The following L3MBTL3 variants were observed in gnomAD, a reference collection of about 807,000 sequenced individuals.
The protein encoded by L3MBTL3 is lethal(3)malignant brain tumor-like protein 3.
L3MBTL3 carries 27 observed loss-of-function variants against 102.3 expected under a neutral mutation model. The ratio of observed to expected loss-of-function variants is 0.26; its 90% confidence interval spans 0.19 to 0.36. The LOEUF (loss-of-function observed/expected upper bound fraction) is 0.36, where lower values mean the gene tolerates loss of function less well. L3MBTL3 is among the 10% of genes least tolerant of loss of function. The pLI, the probability that L3MBTL3 is intolerant of heterozygous loss-of-function variation, is 1.00. For synonymous variants in L3MBTL3, 340 were observed against 320.9 expected (o/e 1.06, Z -0.64); for missense variants, 798 against 955.3 (o/e 0.84, Z 2.17).
rs1023989626 is a variant in L3MBTL3, at chr6:130,129,757, T to G, written c.1967-3695T>G. Among the ~76,000 whole-genome samples, 205 of 152,282 alleles carry G rather than the reference T, an allele frequency of 1.3e-3. 2 individuals are homozygous for G. The highest frequency in any genetic ancestry group is 7.7e-4 in the East Asian group (4 of 5,188). On this transcript the variant is annotated intron_variant, in intron 20 of 22. Transcript: ENST00000361794. The stretch of plus-strand genomic sequence containing the variant: ...GCAAAGGGAGGTGGCTGAAATGTCT[T>G]TAGAACACGAGGCTCTGTTTCCCGA...
chr6:130,018,687 T>G (rs1287013105), intron 1 of L3MBTL3, 23 bp downstream of exon 1: 2 of 152,748 alleles, frequency 1.3e-5, no homozygotes, highest in Non-Finnish European at 2.9e-5. Flanking sequence ...TGATCGGATC[T>G]AATCTCTAAT....
intron 16 of L3MBTL3, among the ~76,000 whole-genome samples, chr6:130,089,259 C>A (rs1038586855): frequency 1.3e-5 from 2 of 150,504 alleles, no homozygotes; most frequent in African/African-American, 4.9e-5. Context: ...ATGTTCCCCG[C>A]CCTGTGTCCA....
At chr6:130,078,054 G>A (rs564199260) in intron 13 of L3MBTL3, among the ~76,000 whole-genome samples, 17 of 152,204 alleles carry the variant, frequency 1.1e-4, no homozygotes, top group African/African-American at 4.1e-4. Flanking sequence ...GAAGAAAGAG[G>A]TAAAGAAAAG....
intron 2 of L3MBTL3, among the ~76,000 whole-genome samples, chr6:130,024,436 C>A (rs1233277318): frequency 6.6e-6 from 1 of 152,068 alleles, no homozygotes; most frequent in Non-Finnish European, 1.5e-5. Flanking sequence ...AATCAATGTT[C>A]TAAGAATCCA....
chr6:130,026,696 A>T (rs1562246495), intron 2 of L3MBTL3, among the ~76,000 whole-genome samples: 1 of 152,158 alleles, frequency 6.6e-6, no homozygotes, highest in Non-Finnish European at 1.5e-5. Flanking sequence ...TGTTGATAAA[A>T]CATTACTCAG....
intron 13 of L3MBTL3, among the ~76,000 whole-genome samples, chr6:130,073,943 A>G (rs1390905081): frequency 1.3e-5 from 2 of 152,198 alleles, no homozygotes; most frequent in Non-Finnish European, 2.9e-5. Context: ...AAACGAAAAC[A>G]GTGTGTTTTC....
chr6:130,092,682 G>T lies in L3MBTL3; in HGVS notation c.1519-63G>T, dbSNP rs1562303359. 2.0e-5 allele frequency: 20 copies of T among 987,156 alleles called. No homozygotes were observed. In the East Asian group the frequency reaches 4.4e-4, roughly 22 times the overall value. The allele number at this position is 987,156 out of a possible 1,614,324, so 61.1% of individuals were successfully genotyped here. Reference sequence around the variant, plus strand: ...AATGAAAATGGTTATGCTGTGGGCAGAACTTTGACTGTAGGAACTTTTATG... The same window carrying T: ...AATGAAAATGGTTATGCTGTGGGCATAACTTTGACTGTAGGAACTTTTATG... On this transcript the variant is annotated intron_variant, in intron 16 of 22. Coordinates refer to ENST00000361794, the MANE Select transcript of L3MBTL3 (RefSeq NM_032438.4).
intron 19 of L3MBTL3, among the ~76,000 whole-genome samples, chr6:130,114,536 C>T (rs1477822953): frequency 6.6e-6 from 1 of 152,160 alleles, no homozygotes; most frequent in Non-Finnish European, 1.5e-5. Flanking sequence ...CTGAGTTTTT[C>T]TGGAGGGTTT....
At position 130,108,908 on chromosome 6, in the gene L3MBTL3, C is replaced by T. The variant is rs544116819; in HGVS notation, c.1886+4333C>T. Reference sequence around the variant, plus strand: ...TGTGTGATGTTCCCCTCCCTGTTTCCGTGTGTTTTCATTGTTCAGCTCCCA... The same window carrying T: ...TGTGTGATGTTCCCCTCCCTGTTTCTGTGTGTTTTCATTGTTCAGCTCCCA... On this transcript the variant is annotated intron_variant, in intron 19 of 22. Transcript: ENST00000361794. Among the ~76,000 whole-genome samples, 43 of 152,136 alleles carry T rather than the reference C, an allele frequency of 2.8e-4. 1 individual carries two copies. Among genetic ancestry groups the T allele is most frequent in the African/African-American group, 9.2e-4 (38 of 41,498 alleles).
intron 3 of L3MBTL3, among the ~76,000 whole-genome samples, chr6:130,048,934 T>C (rs985627714): frequency 1.3e-5 from 1 of 79,422 alleles, no homozygotes; most frequent in Non-Finnish European, 2.8e-5. Flanking sequence ...AAATAAGTCT[T>C]AGTTAAAACA....
chr6:130,023,962 G>A (rs1386385626), intron 2 of L3MBTL3, among the ~76,000 whole-genome samples: 1 of 152,086 alleles, frequency 6.6e-6, no homozygotes, highest in Non-Finnish European at 1.5e-5. Context: ...ATACAAAACC[G>A]GAAATTTATT....
At chr6:130,128,487 C>T (rs1786773255) in intron 20 of L3MBTL3, among the ~76,000 whole-genome samples, 1 of 152,098 alleles carries the variant, frequency 6.6e-6, no homozygotes, top group Non-Finnish European at 1.5e-5. Flanking sequence ...GGTGTGCTGT[C>T]AGCCTTTAAG....
chr6:130,038,998 A>G (rs1780239025), intron 2 of L3MBTL3, among the ~76,000 whole-genome samples: 1 of 152,168 alleles, frequency 6.6e-6, no homozygotes, highest in Non-Finnish European at 1.5e-5. Flanking sequence ...TAAAAGAAAC[A>G]GAAGTTTTTT....
chr6:130,025,645 A>G (rs1584268854), intron 2 of L3MBTL3, among the ~76,000 whole-genome samples: 1 of 152,138 alleles, frequency 6.6e-6, no homozygotes, highest in Non-Finnish European at 1.5e-5. Context: ...CATAAACTGT[A>G]GTTTCTTTCT....
rs767782587 is a variant in L3MBTL3, at chr6:130,114,649, G to A, written c.1887-6230G>A. Among the ~76,000 whole-genome samples the A allele has an allele frequency of 7.2e-5, 11 of 151,898 alleles. No homozygotes were observed. In the East Asian group the frequency reaches 1.9e-3, roughly 27 times the overall value. ...CCTTATGCTAAATTATAATTAAATAGGCCTGTTAACCAAAATGTTTTTATT... is the reference window on the plus strand; with the variant it reads ...CCTTATGCTAAATTATAATTAAATAAGCCTGTTAACCAAAATGTTTTTATT... On this transcript the variant is annotated intron_variant, in intron 19 of 22. Transcript: ENST00000361794.
chr6:130,084,872 C>T (rs936014703), intron 15 of L3MBTL3, among the ~76,000 whole-genome samples: 6 of 152,132 alleles, frequency 3.9e-5, no homozygotes, highest in Non-Finnish European at 7.4e-5. Context: ...CTTTGTTGCC[C>T]AGGCTGGAGT....
At chr6:130,044,513 G>A (rs750620204) in intron 3 of L3MBTL3, among the ~76,000 whole-genome samples, 1 of 151,958 alleles carries the variant, frequency 6.6e-6, no homozygotes, top group Non-Finnish European at 1.5e-5. Context: ...GGTTTTCTAA[G>A]CAATGAGTTT....
At chr6:130,040,818 A>G (rs1485893159) in intron 2 of L3MBTL3, among the ~76,000 whole-genome samples, 3 of 152,188 alleles carry the variant, frequency 2.0e-5, no homozygotes, top group Non-Finnish European at 4.4e-5. Context: ...CCATTTCATC[A>G]CACAATATTA....
intron 5 of L3MBTL3, 30 bp downstream of exon 5, chr6:130,049,860 A>C (rs757916251): frequency 6.3e-7 from 1 of 1,589,064 alleles, no homozygotes; most frequent in East Asian, 2.3e-5. Flanking sequence ...TCTGAAATGC[A>C]ATTCATTTTC....
Sources: allele counts gnomAD v4.1 joint callset (sites outside exome capture counted in the v4.1 genomes callset), GRCh38; gene constraint gnomAD v4.1.1; transcripts MANE v1.5; gene names NCBI Gene and HGNC (gene_info 2026-07-23, HGNC 2026-07-21).